ZNF407: variants seen among roughly 807,000 people sequenced by gnomAD.
The protein encoded by ZNF407 is zinc finger protein 407.
ZNF407 carries 17 observed loss-of-function variants against 131.2 expected under a neutral mutation model. The observed-to-expected ratio is 0.13, with a 90% confidence interval of 0.09 to 0.19. The LOEUF is 0.19. Ranked by LOEUF, ZNF407 falls within the 10% of genes least tolerant of loss-of-function variation. The pLI, the probability that ZNF407 is intolerant of heterozygous loss-of-function variation, is 1.00. For synonymous variants in ZNF407, 1,156 were observed against 1,062.0 expected (o/e 1.09, Z -1.72); for missense variants, 2,681 against 2,830.6 (o/e 0.95, Z 1.20).
chr18:74,635,383 C>A lies in ZNF407; in HGVS notation c.4364C>A (p.Thr1455Asn). The A allele has an allele frequency of 6.2e-7, 1 of 1,613,914 alleles. No individual in the cohort carries two copies. Among genetic ancestry groups the A allele is most frequent in the Non-Finnish European group, 8.5e-7 (1 of 1,179,846 alleles). ...TTACTCTGTGGAAAGTCGTTCTATA[C>A]CGAAAGCAACCTTCACCAGCATCTG... ...HCLLCGKSFY[T>N]ESNLHQHLAS... The change falls in exon 2 of 9, where the codon ACC becomes AAC. Residue 1455 changes from threonine to asparagine, a missense_variant. By Grantham distance (65) the Thr-to-Asn change is moderately conservative. This residue lies in a region of ZNF407 where 213 missense variants were observed against 332.2 expected (regional missense o/e 0.64). Coordinates refer to ENST00000299687, the MANE Select transcript of ZNF407 (RefSeq NM_017757.3). This position sits in a 1 kb window ranked among gnomAD's most constrained non-coding sequence, Gnocchi z 4.7.
Position 74,634,818 on chromosome 18 carries a change from G to T in ZNF407, c.3799G>T (p.Val1267Leu), listed in dbSNP as rs767522024. 4.3e-6 allele frequency: 7 copies of T among 1,613,996 alleles called. No individual in the cohort carries two copies. Among genetic ancestry groups the T allele is most frequent in the Non-Finnish European group, 5.9e-6 (7 of 1,179,886 alleles). ...CTCGGCTGAAAGCCCTGTGCTCGTT[G>T]TGACAAGAATAACCAGAGAACAGGG... ...ERSAESPVLV[V>L]TRITREQGNL... The change falls in exon 2 of 9, where the codon GTG becomes TTG. Residue 1267 changes from valine to leucine, a missense_variant. Transcript: ENST00000299687.
intron 3 of ZNF407, among the ~76,000 whole-genome samples, chr18:74,689,405 T>C (rs1967169102): frequency 6.6e-6 from 1 of 152,230 alleles, no homozygotes; most frequent in African/African-American, 2.4e-5. Flanking sequence ...TTCTTGTTAT[T>C]GTTAGCTTGC....
rs114511439 is a variant in ZNF407, at chr18:74,813,304, G to T, written c.4877+31802G>T. Among the ~76,000 whole-genome samples, 431 of 152,256 alleles carry T rather than the reference G, an allele frequency of 2.8e-3. 2 individuals are homozygous for T. Among genetic ancestry groups the T allele is most frequent in the African/African-American group, 9.9e-3 (410 of 41,536 alleles). On this transcript the variant is annotated intron_variant, in intron 4 of 8. Coordinates refer to ENST00000299687, the MANE Select transcript of ZNF407 (RefSeq NM_017757.3). ...CTCAGCCCTCAGAGACTGCATGAGGGCTCCTTGTGTTCTGGGGAGGTCTTG... is the reference window on the plus strand; with the variant it reads ...CTCAGCCCTCAGAGACTGCATGAGGTCTCCTTGTGTTCTGGGGAGGTCTTG...
Position 75,063,533 on chromosome 18 carries a change from G to A in ZNF407, c.5812G>A (p.Ala1938Thr). ...CCTCCCCGAGCAGCTGGCTGATGGA[G>A]CCACCCAGGTGGTCGTCGTGGGGGG... The part of the protein sequence containing the change: ...PILPEQLADG[A>T]TQVVVVGGSM... The change falls in exon 9 of 9, where the codon GCC (alanine) becomes ACC (threonine). Residue 1938 changes from alanine (A) to threonine (T), a missense_variant. Physicochemically the swap from Ala to Thr is moderately conservative, Grantham distance 58. Around this residue, in one of 6 missense-constraint regions of ZNF407, gnomAD observed 620 missense variants for 583.1 expected, o/e 1.06. Transcript: ENST00000299687. The surrounding 1 kb of genome is among the most constrained non-coding windows in gnomAD (Gnocchi z 6.6). 6.3e-7 allele frequency: 1 copy of A among 1,575,416 alleles called. No homozygotes were observed. Among genetic ancestry groups the A allele is most frequent in the Non-Finnish European group, 8.6e-7 (1 of 1,161,984 alleles).
intron 3 of ZNF407, among the ~76,000 whole-genome samples, chr18:74,760,557 G>T (rs1392595486): frequency 6.6e-6 from 1 of 152,076 alleles, no homozygotes; most frequent in East Asian, 1.9e-4. Context: ...TGCTTCTGTG[G>T]TTTTTTGTTT....
intron 4 of ZNF407, among the ~76,000 whole-genome samples, chr18:74,845,594 G>A (rs918187834): frequency 6.6e-6 from 1 of 152,114 alleles, no homozygotes; most frequent in African/African-American, 2.4e-5. Context: ...GATTGTATTT[G>A]TAAGTCATTT....
intron 3 of ZNF407, among the ~76,000 whole-genome samples, chr18:74,702,762 T>G (rs1405841089): frequency 6.6e-6 from 1 of 152,184 alleles, no homozygotes; most frequent in East Asian, 1.9e-4. Context: ...CAGGCACACA[T>G]AGATACATGT....
At position 74,889,915 on chromosome 18, in the gene ZNF407, C is replaced by T; in HGVS notation, c.5129-3C>T. ...ATCTGTAACATTTCTTGATATATTACAGGAGAAAAACCTTTCAAGTGCGAT... is the reference window on the plus strand; with the variant it reads ...ATCTGTAACATTTCTTGATATATTATAGGAGAAAAACCTTTCAAGTGCGAT... On this transcript the variant is annotated splice_region_variant and splice_polypyrimidine_tract_variant and intron_variant, in intron 6 of 8. Transcript: ENST00000299687. The T allele has an allele frequency of 4.4e-6, 7 of 1,605,112 alleles. No individual in the cohort carries two copies. The highest frequency in any genetic ancestry group is 6.0e-6 in the Non-Finnish European group (7 of 1,175,528).
At chr18:74,806,186 G>A (rs1401668108) in intron 4 of ZNF407, among the ~76,000 whole-genome samples, 1 of 152,226 alleles carries the variant, frequency 6.6e-6, no homozygotes, top group Non-Finnish European at 1.5e-5. Context: ...AGGGCCTGCT[G>A]TGACTGCAGG....
chr18:74,785,996 T>G (rs2145039143), intron 4 of ZNF407, among the ~76,000 whole-genome samples: 1 of 152,320 alleles, frequency 6.6e-6, no homozygotes, highest in East Asian at 1.9e-4. Context: ...GTTTACAAGC[T>G]TAGATGATGT....
At chr18:74,898,686 G>A (rs1033505255) in intron 7 of ZNF407, among the ~76,000 whole-genome samples, 2 of 152,284 alleles carry the variant, frequency 1.3e-5, no homozygotes, top group African/African-American at 4.8e-5. Flanking sequence ...AGATCTCTGT[G>A]TAGGTCTTGA....
chr18:74,850,555 G>A lies in ZNF407; in HGVS notation c.4878-26642G>A, dbSNP rs189458305. 2.6e-5 allele frequency among the ~76,000 whole-genome samples: 4 copies of A among 152,204 alleles called. No homozygotes were observed. In the South Asian group the frequency reaches 6.2e-4, roughly 24 times the overall value. Reference sequence around the variant, plus strand: ...AGTGGGTCTAATCTATGAATTCAACGAATATTTTTATTTCTTAAATGTATA... The same window carrying A: ...AGTGGGTCTAATCTATGAATTCAACAAATATTTTTATTTCTTAAATGTATA... On this transcript the variant is annotated intron_variant, in intron 4 of 8. Coordinates refer to ENST00000299687, the MANE Select transcript of ZNF407 (RefSeq NM_017757.3).
At chr18:74,984,739 G>C (rs1972633124) in intron 8 of ZNF407, among the ~76,000 whole-genome samples, 1 of 152,126 alleles carries the variant, frequency 6.6e-6, no homozygotes, top group Non-Finnish European at 1.5e-5. Context: ...TTATAAAATG[G>C]AAATTTGTTG....
At chr18:74,968,155 TC>T (rs368723919) in intron 8 of ZNF407, among the ~76,000 whole-genome samples, 31 of 152,316 alleles carry the variant, frequency 2.0e-4, no homozygotes, top group African/African-American at 7.0e-4. Flanking sequence ...TTGGAGTATG[TC>T]TCTTTGTATA....
chr18:74,933,633 T>TA (rs1320813923), intron 8 of ZNF407, among the ~76,000 whole-genome samples: 2 of 152,204 alleles, frequency 1.3e-5, no homozygotes, highest in African/African-American at 2.4e-5. Context: ...CTTCCACACT[T>TA]ACCCATTTTA....
chr18:74,956,719 G>A (rs948390635), intron 8 of ZNF407, among the ~76,000 whole-genome samples: 1 of 152,144 alleles, frequency 6.6e-6, no homozygotes, highest in Non-Finnish European at 1.5e-5. Flanking sequence ...GAAGGAATAT[G>A]CCTGGGAGAA....
chr18:74,771,343 CTGACAGA>C (rs1391195019), intron 3 of ZNF407, among the ~76,000 whole-genome samples: 1 of 151,976 alleles, frequency 6.6e-6, no homozygotes, highest in African/African-American at 2.4e-5. Flanking sequence ...AGGTAAATTT[CTGACAGA>C]TTTGAATACC....
rs970185655 is a variant in ZNF407, at chr18:74,913,426, C to T, written c.5250-7088C>T. 3.9e-5 allele frequency among the ~76,000 whole-genome samples: 6 copies of T among 152,112 alleles called. No individual in the cohort carries two copies. In the East Asian group the frequency reaches 7.7e-4, roughly 20 times the overall value. On this transcript the variant is annotated intron_variant, in intron 7 of 8. Transcript: ENST00000299687. ...AGTAGAGACATGTAGGGGAGATAAG[C>T]GTGCCCTTCGGTGTTCGATACGGCG...
chr18:74,903,948 C>T (rs1476108915), intron 7 of ZNF407, among the ~76,000 whole-genome samples: 3 of 152,152 alleles, frequency 2.0e-5, no homozygotes, highest in Non-Finnish European at 2.9e-5. Flanking sequence ...CTATCCAGTC[C>T]CTTCACACTC....
Sources: allele counts gnomAD v4.1 joint callset (sites outside exome capture counted in the v4.1 genomes callset), GRCh38; gene constraint gnomAD v4.1.1; regional missense constraint gnomAD v4.1.1; non-coding constraint Gnocchi (gnomAD v3.1); transcripts MANE v1.5; gene names NCBI Gene and HGNC (gene_info 2026-07-23, HGNC 2026-07-21).